Variants in NARS2 observed in about 807,000 individuals in gnomAD.
The protein encoded by NARS2 is asparaginyl-tRNA synthetase 2, mitochondrial, also known as asparaginyl-tRNA synthetase.
NARS2 carries 60 observed loss-of-function variants against 62.9 expected under a neutral mutation model. The observed-to-expected ratio is 0.95, with a 90% confidence interval of 0.77 to 1.18. The LOEUF is 1.18. Ranked by LOEUF, NARS2 falls within the 50% of genes most tolerant of loss-of-function variation. The probability of loss-of-function intolerance (pLI) is 0.00; values close to 1 mark genes in which losing one functional copy is unlikely to be tolerated. For synonymous variants in NARS2, 196 were observed against 200.0 expected, an observed-to-expected ratio of 0.98 and a Z score of 0.17; for missense variants, 619 against 576.4, an observed-to-expected ratio of 1.07 and a Z score of -0.76.
chr11:78,516,338 T>A (rs531494000), intron 6 of NARS2, among the ~76,000 whole-genome samples: 1 of 152,306 alleles, frequency 6.6e-6, no homozygotes, highest in East Asian at 1.9e-4. Context: ...ACAAAAGGAA[T>A]AGAATCTACA....
intron 6 of NARS2, among the ~76,000 whole-genome samples, chr11:78,518,269 G>C (rs1051935576): frequency 1.3e-5 from 2 of 152,292 alleles, no homozygotes; most frequent in South Asian, 4.1e-4. Flanking sequence ...GTGGGCATCT[G>C]CAAGTTTTGG....
At chr11:78,483,467 C>G (rs1859444136) in intron 7 of NARS2, among the ~76,000 whole-genome samples, 1 of 152,164 alleles carries the variant, frequency 6.6e-6, no homozygotes. Context: ...TTACAGATGA[C>G]ATGATTGTAT....
intron 5 of NARS2, among the ~76,000 whole-genome samples, chr11:78,554,508 C>CGTGAGTGTGTGTGTGT (rs112168447): frequency 6.8e-6 from 1 of 146,914 alleles, no homozygotes; most frequent in Admixed American, 6.8e-5. Context: ...GGCGTGTGTG[C>CGTGAGTGTGTGTGTGT]GTGTGTGTGT....
chr11:78,472,595 T>C (rs1858921643), intron 9 of NARS2, among the ~76,000 whole-genome samples: 1 of 152,188 alleles, frequency 6.6e-6, no homozygotes, highest in African/African-American at 2.4e-5. Context: ...CACATTTTCA[T>C]ATAAAATAAT....
At chr11:78,464,047 C>T (rs1439117320) in intron 11 of NARS2, among the ~76,000 whole-genome samples, 2 of 152,252 alleles carry the variant, frequency 1.3e-5, no homozygotes, top group African/African-American at 2.4e-5. Context: ...GCGGCGCGTC[C>T]GGAGTTTGTT....
At position 78,467,563 on chromosome 11, in the gene NARS2, A is replaced by AATT. The variant is rs1565217216; in HGVS notation, c.1027-1551_1027-1550insAAT. On this transcript the variant is annotated intron_variant, in intron 10 of 13. Transcript: ENST00000281038. The stretch of plus-strand genomic sequence containing the variant: ...TCAAAAAATAAATAAATAAATAAAT[A>AATT]AATAAATTAATTAATTAATTAAATA... Among the ~76,000 whole-genome samples the AATT allele has an allele frequency of 2.2e-4, 28 of 124,678 alleles. No homozygotes were observed. The East Asian group carries it at 4.4e-3, about 20-fold the overall frequency. 81.8% of individuals were successfully genotyped at this position (124,678 alleles called of 152,430 possible).
chr11:78,443,525 A>C, intron 12 of NARS2, 136 bp downstream of exon 12: 2 of 492,284 alleles, frequency 4.1e-6, no homozygotes. Context: ...AACTTGCTCA[A>C]GGACATAGAG....
In NARS2 at chr11:78,454,578, C is replaced by T. The variant is rs549804189; in HGVS notation, c.1165-10820G>A. 1.1e-4 allele frequency among the ~76,000 whole-genome samples: 16 copies of T among 151,658 alleles called. No individual in the cohort carries two copies. In the South Asian group the frequency reaches 2.5e-3, roughly 24 times the overall value. On this transcript the variant is annotated intron_variant, in intron 11 of 13. Transcript: ENST00000281038. ...CATTCTTGTACAGTCTGCAGAACCA[C>T]GAGCCAAATAAAACTCTTTGTTTTA...
At chr11:78,461,207 G>A (rs905282029) in intron 11 of NARS2, among the ~76,000 whole-genome samples, 2 of 152,210 alleles carry the variant, frequency 1.3e-5, no homozygotes, top group East Asian at 1.9e-4. Flanking sequence ...AAACTTCTGA[G>A]AGAATAAACA....
At chr11:78,479,802 A>G (rs2135270537) in intron 7 of NARS2, among the ~76,000 whole-genome samples, 1 of 152,326 alleles carries the variant, frequency 6.6e-6, no homozygotes, top group Non-Finnish European at 1.5e-5. Context: ...TGAAGGCGTA[A>G]CTGTCTATTG....
chr11:78,452,580 AT>A (rs199508188), intron 11 of NARS2, among the ~76,000 whole-genome samples: 4 of 150,780 alleles, frequency 2.7e-5, no homozygotes, highest in South Asian at 2.1e-4. Context: ...GGTTAATATT[AT>A]TTTTTTTTGT....
At chr11:78,569,857 T>C (rs992831906) in intron 2 of NARS2, among the ~76,000 whole-genome samples, 14 of 152,184 alleles carry the variant, frequency 9.2e-5, no homozygotes, top group African/African-American at 2.9e-4. Flanking sequence ...GCTATACTGA[T>C]ATAATCAAAA....
chr11:78,476,488 T>A (rs1859102326), intron 9 of NARS2, among the ~76,000 whole-genome samples: 1 of 152,218 alleles, frequency 6.6e-6, no homozygotes, highest in Non-Finnish European at 1.5e-5. Context: ...CTGAGACCAT[T>A]GCTCCTACCC....
At chr11:78,468,312 A>AAAAAAAG in intron 10 of NARS2, among the ~76,000 whole-genome samples, 1 of 142,930 alleles carries the variant, frequency 7.0e-6, no homozygotes, top group East Asian at 2.0e-4. Flanking sequence ...CTAAATCTGA[A>AAAAAAAG]AAAAAAAAAA....
At chr11:78,545,682 G>A (rs1272654634) in intron 5 of NARS2, among the ~76,000 whole-genome samples, 1 of 151,846 alleles carries the variant, frequency 6.6e-6, no homozygotes, top group Non-Finnish European at 1.5e-5. Flanking sequence ...GCATGCCACT[G>A]TGGCCAGCTA....
chr11:78,464,096 T>C (rs926149264), intron 11 of NARS2, among the ~76,000 whole-genome samples: 1 of 152,078 alleles, frequency 6.6e-6, no homozygotes, highest in African/African-American at 2.4e-5. Flanking sequence ...TTCTTCCTTC[T>C]GGTGGGTTCG....
intron 9 of NARS2, among the ~76,000 whole-genome samples, chr11:78,469,883 G>A (rs755507257): frequency 6.6e-6 from 1 of 152,154 alleles, no homozygotes; most frequent in Non-Finnish European, 1.5e-5. Flanking sequence ...GGTTTGGGGT[G>A]CCATTTTAGA....
Position 78,569,995 on chromosome 11 carries a change from C to A in NARS2, c.252-1243G>T, listed in dbSNP as rs187142997. On this transcript the variant is annotated intron_variant, in intron 2 of 13. Transcript: ENST00000281038. ...CTTGAGGTCAGGAGTTCGAGACCAG[C>A]CTGGCCAACATGGTAAAATTCTGTC... Among the ~76,000 whole-genome samples the A allele has an allele frequency of 8.1e-3, 1,231 of 152,190 alleles. 9 individuals carry two copies. The highest frequency in any genetic ancestry group is 0.017 in the Middle Eastern group (5 of 294).
chr11:78,461,308 A>G (rs1366834315), intron 11 of NARS2, among the ~76,000 whole-genome samples: 1 of 152,180 alleles, frequency 6.6e-6, no homozygotes, highest in Non-Finnish European at 1.5e-5. Flanking sequence ...ATGAATAGAT[A>G]GAAATGGATA....
Sources: allele counts gnomAD v4.1 joint callset (sites outside exome capture counted in the v4.1 genomes callset), GRCh38; gene constraint gnomAD v4.1.1; transcripts MANE v1.5; gene names NCBI Gene and HGNC (gene_info 2026-07-23, HGNC 2026-07-21).